CFAP161: variants seen among roughly 807,000 people sequenced by gnomAD.
CFAP161 encodes the protein cilia- and flagella-associated protein 161.
CFAP161 carries 25 observed loss-of-function variants against 29.0 expected under a neutral mutation model. That is an observed-to-expected ratio of 0.86 (90% CI 0.63 to 1.20). The LOEUF (loss-of-function observed/expected upper bound fraction) is 1.20, where lower values mean the gene tolerates loss of function less well. CFAP161 is among the 50% of genes most tolerant of loss of function. The pLI is 0.00. For missense variants in CFAP161, 367 were observed against 371.9 expected, an observed-to-expected ratio of 0.99 and a Z score of 0.11; for synonymous variants, 116 against 137.4, an observed-to-expected ratio of 0.84 and a Z score of 1.09.
At chr15:81,109,848 C>T (rs1005040799) in intron 1 of CFAP161, among the ~76,000 whole-genome samples, 1 of 152,074 alleles carries the variant, frequency 6.6e-6, no homozygotes, top group Non-Finnish European at 1.5e-5. Flanking sequence ...CCACTGCAGG[C>T]TTCATCTTCA....
At chr15:81,148,020 T>A (rs1225039308) in intron 6 of CFAP161, 89 bp downstream of exon 6, 2 of 1,054,280 alleles carry the variant, frequency 1.9e-6, no homozygotes, top group Non-Finnish European at 2.8e-6. Context: ...AGTGTATGGC[T>A]GCACATACAA....
intron 1 of CFAP161, chr15:81,117,914 G>A (rs1235784776): frequency 2.4e-6 from 1 of 423,904 alleles, no homozygotes; most frequent in African/African-American, 2.1e-5. Flanking sequence ...CCATCCACCT[G>A]GGCATCTGAG....
At chr15:81,110,481 C>T (rs1894426447) in intron 1 of CFAP161, among the ~76,000 whole-genome samples, 1 of 152,138 alleles carries the variant, frequency 6.6e-6, no homozygotes, top group South Asian at 2.1e-4. Flanking sequence ...TTCTCCTGGT[C>T]ACCCTTGCCT....
At chr15:81,100,704 C>CTCTA (rs373427489) in intron 1 of CFAP161, among the ~76,000 whole-genome samples, 42 of 148,736 alleles carry the variant, frequency 2.8e-4, no homozygotes, top group South Asian at 2.1e-4. Flanking sequence ...CTCTCTCTCT[C>CTCTA]TTTTTTTTTT....
intron 1 of CFAP161, among the ~76,000 whole-genome samples, chr15:81,105,704 T>C (rs887814778): frequency 6.6e-6 from 1 of 152,234 alleles, no homozygotes; most frequent in Non-Finnish European, 1.5e-5. Context: ...CGGGCTGCTA[T>C]GAGATCCAGA....
intron 1 of CFAP161, among the ~76,000 whole-genome samples, chr15:81,109,268 C>T (rs987804365): frequency 9.9e-5 from 15 of 152,204 alleles, no homozygotes; most frequent in Non-Finnish European, 1.9e-4. Flanking sequence ...GCCACTTCCA[C>T]CTCTTGGTAG....
At chr15:81,121,815 G>T (rs538504175) in intron 1 of CFAP161, among the ~76,000 whole-genome samples, 1 of 152,216 alleles carries the variant, frequency 6.6e-6, no homozygotes, top group South Asian at 2.1e-4. Context: ...CATCACCCAG[G>T]TATTAAGCCT....
In CFAP161 at chr15:81,138,166, A is replaced by G. The variant is rs771417274; in HGVS notation, c.477+31A>G. ...TTATCACTTTGCATATCTACTTTGG[A>G]TCAGTCATTTCTGTTGCCCAAAATG... On this transcript the variant is annotated intron_variant, in intron 4 of 6. Transcript: ENST00000286732. 1.0e-5 allele frequency: 16 copies of G among 1,548,138 alleles called. No individual in the cohort carries two copies. In the Admixed American group the frequency reaches 2.7e-4, roughly 26 times the overall value.
intron 1 of CFAP161, among the ~76,000 whole-genome samples, chr15:81,115,451 G>T (rs115160720): frequency 3.9e-5 from 6 of 152,074 alleles, no homozygotes; most frequent in Non-Finnish European, 7.4e-5. Context: ...CTACATTTGC[G>T]TAAAGAGGAA....
chr15:81,147,737 C>G, intron 5 of CFAP161, 121 bp from the exon 6 acceptor site: 1 of 543,646 alleles, frequency 1.8e-6, no homozygotes, highest in Non-Finnish European at 3.1e-6. Context: ...TAATTTTTTT[C>G]TACTAAATTG....
At chr15:81,129,482 A>T (rs2141873588), upstream of CFAP161, among the ~76,000 whole-genome samples, 1 of 152,308 alleles carries the variant, frequency 6.6e-6, no homozygotes, top group South Asian at 2.1e-4. Flanking sequence ...GAAACCTCTT[A>T]AAAAACCATC....
chr15:81,127,349 T>C (rs771349576), intron 1 of CFAP161, among the ~76,000 whole-genome samples: 5 of 152,132 alleles, frequency 3.3e-5, no homozygotes, highest in Non-Finnish European at 4.4e-5. Context: ...ATAAGAATGC[T>C]CACAAACATT....
At chr15:81,139,536 G>C (rs145499350) in intron 4 of CFAP161, among the ~76,000 whole-genome samples, 17 of 152,062 alleles carry the variant, frequency 1.1e-4, no homozygotes, top group African/African-American at 3.9e-4. Context: ...TTCTAAAATA[G>C]CATTTTTAAA....
upstream of CFAP161, among the ~76,000 whole-genome samples, chr15:81,133,228 T>TATATA (rs1567156511): frequency 1.8e-4 from 10 of 54,730 alleles, no homozygotes; most frequent in South Asian, 4.4e-4. Context: ...TATATATGTA[T>TATATA]TTTTTTTTAA....
chr15:81,100,625 T>C (rs1894292151), intron 1 of CFAP161, among the ~76,000 whole-genome samples: 1 of 152,168 alleles, frequency 6.6e-6, no homozygotes, highest in African/African-American at 2.4e-5. Context: ...AATTATCTAC[T>C]TTTTATCTCT....
chr15:81,127,208 T>C lies in CFAP161; in HGVS notation c.-141-382T>C, dbSNP rs1450166363. On this transcript the variant is annotated intron_variant, in intron 1 of 4. Transcript: ENST00000560091. ...ACATCAGGAATTTAGACCCGTGTTTTAGATGATGGTGATTGCCCTGTGGCT... is the reference window on the plus strand; with the variant it reads ...ACATCAGGAATTTAGACCCGTGTTTCAGATGATGGTGATTGCCCTGTGGCT... Among the ~76,000 whole-genome samples the C allele has an allele frequency of 3.9e-5, 6 of 152,222 alleles. No homozygotes were observed. In the East Asian group the frequency reaches 1.2e-3, roughly 29 times the overall value.
chr15:81,130,787 T>C (rs975555915), upstream of CFAP161, among the ~76,000 whole-genome samples: 3 of 152,232 alleles, frequency 2.0e-5, no homozygotes, highest in Non-Finnish European at 4.4e-5. Context: ...ATTTTAGGGT[T>C]ATTAATTGTC....
At chr15:81,115,924 G>A (rs938049500) in intron 1 of CFAP161, among the ~76,000 whole-genome samples, 6 of 150,740 alleles carry the variant, frequency 4.0e-5, no homozygotes, top group Non-Finnish European at 2.9e-5. Context: ...CTGGGCTCAA[G>A]CAATACTCCC....
chr15:81,148,268 A>G (rs1895043739), intron 6 of CFAP161, 70 bp from the exon 7 acceptor site: 1 of 1,427,022 alleles, frequency 7.0e-7, no homozygotes, highest in Admixed American at 1.8e-5. Context: ...TTCGAGATTA[A>G]ATTATTAATA....
Sources: gnomAD v4.1 joint callset for allele counts (sites outside exome capture counted in the v4.1 genomes callset) on GRCh38, gnomAD v4.1.1 for gene constraint, MANE v1.5 for transcripts, NCBI Gene and HGNC (gene_info 2026-07-23, HGNC 2026-07-21) for gene names.